Variants in NFS1 observed in about 807,000 individuals in gnomAD.
The protein encoded by NFS1 is cysteine desulfurase.
A neutral mutation model predicts 57.3 loss-of-function variants in NFS1; 26 were observed. That is an observed-to-expected ratio of 0.45 (90% CI 0.33 to 0.63). The LOEUF is 0.63. Ranked by LOEUF, NFS1 falls within the 20% of genes least tolerant of loss-of-function variation. The pLI, the probability that NFS1 is intolerant of heterozygous loss-of-function variation, is 0.02. For synonymous variants in NFS1, 209 were observed against 216.3 expected, an observed-to-expected ratio of 0.97 and a Z score of 0.30; for missense variants, 505 against 605.8, an observed-to-expected ratio of 0.83 and a Z score of 1.75.
chr20:35,668,248 C>G lies in NFS1; in HGVS notation c.*1374G>C, dbSNP rs1189184576. On this transcript the variant is annotated 3_prime_UTR_variant, in exon 13 of 13. Transcript: ENST00000374092. ...AAACTTTAGCCCAGTGGCTTTCAAACTTTCCTGTCCCCCTGCTACTGGCAA... is the reference window on the plus strand; with the variant it reads ...AAACTTTAGCCCAGTGGCTTTCAAAGTTTCCTGTCCCCCTGCTACTGGCAA... 3 of 152,198 alleles carry G rather than the reference C, an allele frequency of 2.0e-5. No individual in the cohort carries two copies. Among genetic ancestry groups the G allele is most frequent in the Non-Finnish European group, 4.4e-5 (3 of 68,040 alleles). The allele number at this position is 152,198 out of a possible 1,614,324, so 9.4% of individuals were successfully genotyped here.
intron 12 of NFS1, among the ~76,000 whole-genome samples, chr20:35,670,798 C>T (rs1182786228): frequency 6.6e-6 from 1 of 152,120 alleles, no homozygotes. Context: ...AAAGTGAGGA[C>T]AAAGGAAGGG....
Position 35,699,044 on chromosome 20 carries a change from C to T in NFS1, c.97+148G>A. The T allele has an allele frequency of 7.6e-7, 1 of 1,321,408 alleles. No individual in the cohort carries two copies. Among genetic ancestry groups the T allele is most frequent in the Non-Finnish European group, 9.6e-7 (1 of 1,038,404 alleles). 81.9% of individuals were successfully genotyped at this position (1,321,408 alleles called of 1,614,324 possible). On this transcript the variant is annotated intron_variant, in intron 1 of 12. Transcript: ENST00000374092. The surrounding 1 kb of genome is among the most constrained non-coding windows in gnomAD (Gnocchi z 4.4). ...CCGGGGTCAACCGTTCGGGGACCCG[C>T]CTAAGAAAGTTTGAGGGATGTGTCA...
chr20:35,680,139 C>A (rs1361530457), intron 7 of NFS1, among the ~76,000 whole-genome samples: 2 of 152,058 alleles, frequency 1.3e-5, no homozygotes, highest in Non-Finnish European at 2.9e-5. Flanking sequence ...CCCGTCTCTA[C>A]TAAAAATACA....
At position 35,697,781 on chromosome 20, in the gene NFS1, G is replaced by A; in HGVS notation, c.227C>T (p.Ala76Val). Residue 76 changes from alanine to valine, a missense_variant, in exon 3 of 13, where the codon GCC (alanine) becomes GTC (valine). By Grantham distance (64) the Ala-to-Val change is moderately conservative (BLOSUM62 0). Coordinates refer to ENST00000374092, the MANE Select transcript of NFS1 (RefSeq NM_021100.5). ...GTAGTTGATTAGGTAAGGGAGCATGGCATCAAGCACCCGGGGGTCCTGAAC... is the reference window on the plus strand; with the variant it reads ...GTAGTTGATTAGGTAAGGGAGCATGACATCAAGCACCCGGGGGTCCTGAAC... ...TTPLDPRVLD[A>V]MLPYLINYYG... is the part of the protein sequence containing the mutation. 1 of 1,612,942 alleles carries A rather than the reference G, an allele frequency of 6.2e-7. No homozygotes were observed. The highest frequency in any genetic ancestry group is 8.5e-7 in the Non-Finnish European group (1 of 1,179,330).
At chr20:35,698,651 T>G in intron 1 of NFS1, 61 bp from the exon 2 acceptor site, 2 of 1,519,166 alleles carry the variant, frequency 1.3e-6, no homozygotes. Context: ...ACGCATGGCA[T>G]CCAAAGGGCA....
intron 12 of NFS1, among the ~76,000 whole-genome samples, chr20:35,672,463 C>T (rs2034672682): frequency 6.6e-6 from 1 of 152,150 alleles, no homozygotes; most frequent in South Asian, 2.1e-4. Context: ...GTTGGTCAGG[C>T]TGGTCTCGAA....
intron 4 of NFS1, 28 bp from the exon 5 acceptor site, chr20:35,690,593 G>A: frequency 6.2e-7 from 1 of 1,612,588 alleles, no homozygotes. Context: ...CAGATGGAAG[G>A]AGAACATACT....
rs1204771223 is a variant in NFS1, at chr20:35,699,061, G to A, written c.97+131C>T. 3.0e-6 allele frequency: 4 copies of A among 1,323,298 alleles called. No individual in the cohort carries two copies. Among genetic ancestry groups the A allele is most frequent in the South Asian group, 2.1e-5 (1 of 47,972 alleles). The allele number at this position is 1,323,298 out of a possible 1,614,324, so 82.0% of individuals were successfully genotyped here. On this transcript the variant is annotated intron_variant, in intron 1 of 12. Coordinates refer to ENST00000374092, the MANE Select transcript of NFS1 (RefSeq NM_021100.5). The surrounding 1 kb of genome is among the most constrained non-coding windows in gnomAD (Gnocchi z 4.4). The stretch of plus-strand genomic sequence containing the variant: ...GGGACCCGCCTAAGAAAGTTTGAGG[G>A]ATGTGTCATTTGAGAGAAGGGTCAG...
chr20:35,683,117 A>C lies in NFS1; in HGVS notation c.562-1136T>G, dbSNP rs552529816. On this transcript the variant is annotated intron_variant, in intron 5 of 12. Transcript: ENST00000374092. Reference sequence around the variant, plus strand: ...AACAAAACAAAAAAACAAAAACAAAAATAAAAAAGCCAATCCCAGAAGGTT... The same window carrying C: ...AACAAAACAAAAAAACAAAAACAAACATAAAAAAGCCAATCCCAGAAGGTT... Among the ~76,000 whole-genome samples the C allele has an allele frequency of 1.3e-4, 19 of 151,676 alleles. No individual in the cohort carries two copies. In the East Asian group the frequency reaches 3.7e-3, roughly 30 times the overall value.
rs184185534 is a variant in NFS1, at chr20:35,686,524, C to T, written c.561+3889G>A. Reference sequence around the variant, plus strand: ...GATGAATGTTATGGTATGTGAATTACATCAGAAATTTCTAAGTGCTTAAAA... The same window carrying T: ...GATGAATGTTATGGTATGTGAATTATATCAGAAATTTCTAAGTGCTTAAAA... On this transcript the variant is annotated intron_variant, in intron 5 of 12. Coordinates refer to ENST00000374092, the MANE Select transcript of NFS1 (RefSeq NM_021100.5). 7.2e-5 allele frequency among the ~76,000 whole-genome samples: 11 copies of T among 152,196 alleles called. No individual in the cohort carries two copies. The East Asian group carries it at 2.1e-3, about 29-fold the overall frequency.
intron 7 of NFS1, among the ~76,000 whole-genome samples, chr20:35,680,123 T>C (rs1487572609): frequency 2.0e-5 from 3 of 151,930 alleles, no homozygotes; most frequent in Non-Finnish European, 4.4e-5. Context: ...GCTAACATGG[T>C]GAAACCCCGT....
Position 35,669,644 on chromosome 20 carries a change from C to G in NFS1, c.1352G>C (p.Ser451Thr). 3.1e-6 allele frequency: 5 copies of G among 1,614,056 alleles called. No homozygotes were observed. The highest frequency in any genetic ancestry group is 4.2e-6 in the Non-Finnish European group (5 of 1,179,942). Residue 451 changes from serine to threonine, a missense_variant, in exon 13 of 13, where the codon AGC becomes ACC. Physicochemically the swap from Ser to Thr is moderately conservative, Grantham distance 58 (BLOSUM62 1). Coordinates refer to ENST00000374092, the MANE Select transcript of NFS1 (RefSeq NM_021100.5). Reference protein sequence around the residue: ...EMVQDGIDLKSIKWTQH With the variant: ...EMVQDGIDLKTIKWTQH ...CTTCTAGTGTTGGGTCCACTTGATG[C>G]TCTTGAGGTCAATGCCATCCTGAAC...
rs112255355 is a variant in NFS1, at chr20:35,670,563, A to T, written c.1311-878T>A. Among the ~76,000 whole-genome samples, 350 of 152,286 alleles carry T rather than the reference A, an allele frequency of 2.3e-3. 2 individuals carry two copies. Among genetic ancestry groups the T allele is most frequent in the African/African-American group, 8.0e-3 (332 of 41,552 alleles). On this transcript the variant is annotated intron_variant, in intron 12 of 12. Coordinates refer to ENST00000374092, the MANE Select transcript of NFS1 (RefSeq NM_021100.5). ...ATTCATGAGATTTTCCATGGCCCTT[A>T]AAGTTAGCCATCTCCTTCCTGTCCT...
chr20:35,680,774 G>A lies in NFS1; in HGVS notation c.753C>T (p.Leu251=), dbSNP rs761784982. 12 of 1,571,762 alleles carry A rather than the reference G, an allele frequency of 7.6e-6. No homozygotes were observed. Among genetic ancestry groups the A allele is most frequent in the South Asian group, 1.2e-5 (1 of 82,884 alleles). ...AGATTTTGTGACCACTAATGCTCATGAGATCAATTTTCATGTCATTGACAT... is the reference window on the plus strand; with the variant it reads ...AGATTTTGTGACCACTAATGCTCATAAGATCAATTTTCATGTCATTGACAT... The part of the protein sequence containing the change: ...PLDVNDMKID[L]MSISGHKIYG... The change falls in exon 7 of 13, where the codon CTC becomes CTT. Residue 251 remains leucine, a synonymous_variant. Coordinates refer to ENST00000374092, the MANE Select transcript of NFS1 (RefSeq NM_021100.5).
In NFS1 at chr20:35,685,290, G is replaced by A. The variant is rs538109905; in HGVS notation, c.562-3309C>T. On this transcript the variant is annotated intron_variant, in intron 5 of 12. Coordinates refer to ENST00000374092, the MANE Select transcript of NFS1 (RefSeq NM_021100.5). ...CTCAGGAAGGAGGCTGAGGTGGGAG[G>A]ATCATTTGAGCCTAGGAGGTCAAGG... Among the ~76,000 whole-genome samples the A allele has an allele frequency of 5.9e-5, 9 of 151,806 alleles. No homozygotes were observed. In the East Asian group the frequency reaches 9.6e-4, roughly 16 times the overall value.
intron 12 of NFS1, among the ~76,000 whole-genome samples, chr20:35,670,947 G>C (rs965627179): frequency 6.6e-6 from 1 of 152,148 alleles, no homozygotes; most frequent in African/African-American, 2.4e-5. Context: ...CTACCAACTA[G>C]ATCAAGAGAA....
chr20:35,686,103 T>A (rs2034938091), intron 5 of NFS1, among the ~76,000 whole-genome samples: 1 of 151,434 alleles, frequency 6.6e-6, no homozygotes, highest in African/African-American at 2.4e-5. Context: ...CTAATTTTTG[T>A]ATTTTTTAGT....
intron 12 of NFS1, among the ~76,000 whole-genome samples, chr20:35,671,953 T>G (rs2146410123): frequency 7.1e-6 from 1 of 141,470 alleles, no homozygotes; most frequent in South Asian, 2.1e-4. Flanking sequence ...AGTTTGTTGT[T>G]TTTGTTTTTG....
At chr20:35,674,796 G>A (rs920155801) in intron 8 of NFS1, 179 bp from the exon 9 acceptor site, 56 of 676,002 alleles carry the variant, frequency 8.3e-5, no homozygotes, top group African/African-American at 7.8e-4. Context: ...TGCAAAAGGC[G>A]CTTGATAACT....
Sources: allele counts gnomAD v4.1 joint callset (sites outside exome capture counted in the v4.1 genomes callset), GRCh38; gene constraint gnomAD v4.1.1; non-coding constraint Gnocchi (gnomAD v3.1); transcripts MANE v1.5; gene names NCBI Gene and HGNC (gene_info 2026-07-23, HGNC 2026-07-21).